SPMIP2: variants seen among roughly 807,000 people sequenced by gnomAD.
SPMIP2 encodes protein SPMIP2.
At chr4:159,063,132 C>T in the SPMIP2 span, among the ~76,000 whole-genome samples, 1 of 152,100 alleles carries the variant, frequency 6.6e-6, no homozygotes, top group African/African-American at 2.4e-5. Context: ...GGTGGCTTCA[C>T]AATACAGTTT....
the SPMIP2 span, among the ~76,000 whole-genome samples, chr4:158,912,386 A>G: frequency 1.3e-5 from 2 of 152,230 alleles, no homozygotes; most frequent in Non-Finnish European, 2.9e-5. Flanking sequence ...TCAACCATCT[A>G]TTTTGATGGG....
chr4:158,964,848 G>C, the SPMIP2 span, among the ~76,000 whole-genome samples: 1 of 152,260 alleles, frequency 6.6e-6, no homozygotes, highest in East Asian at 1.9e-4. Context: ...GAGCAAAGAA[G>C]GAACCCCCTT....
chr4:159,057,227 G>A, the SPMIP2 span, among the ~76,000 whole-genome samples: 1 of 152,186 alleles, frequency 6.6e-6, no homozygotes, highest in African/African-American at 2.4e-5. Flanking sequence ...AGGGCAAGGG[G>A]CCCAGATGGG....
the SPMIP2 span, among the ~76,000 whole-genome samples, chr4:158,989,613 A>G: frequency 1.3e-5 from 2 of 152,234 alleles, no homozygotes; most frequent in African/African-American, 4.8e-5. Context: ...CAAACCTGAC[A>G]AAAACAAGCA....
chr4:158,896,094 G>A, the SPMIP2 span, among the ~76,000 whole-genome samples: 1 of 152,124 alleles, frequency 6.6e-6, no homozygotes, highest in Admixed American at 6.5e-5. Context: ...GGCTGGTCGT[G>A]CTTTGTTGCT....
At chr4:158,897,530 C>T in the SPMIP2 span, among the ~76,000 whole-genome samples, 5 of 152,252 alleles carry the variant, frequency 3.3e-5, no homozygotes, top group South Asian at 2.1e-4. Context: ...TAGTGATTGC[C>T]GTTCTAACTG....
At chr4:159,050,797 TA>T in the SPMIP2 span, among the ~76,000 whole-genome samples, 114 of 146,398 alleles carry the variant, frequency 7.8e-4, no homozygotes, top group Admixed American at 9.5e-4. Flanking sequence ...ACTCATCCGT[TA>T]AAAAAAAAAA....
chr4:159,074,704 AG>A, the SPMIP2 span, among the ~76,000 whole-genome samples: 5 of 152,172 alleles, frequency 3.3e-5, no homozygotes, highest in Admixed American at 2.6e-4. Flanking sequence ...TCTCAACAGA[AG>A]CAGGAGGTTG....
At chr4:158,984,235 TTAA>T in the SPMIP2 span, among the ~76,000 whole-genome samples, 15 of 8,772 alleles carry the variant, frequency 1.7e-3, no homozygotes, top group East Asian at 6.0e-3. Context: ...AGACAGAAAG[TTAA>T]CAAGGATACC....
the SPMIP2 span, among the ~76,000 whole-genome samples, chr4:158,991,310 C>T: frequency 1.3e-5 from 2 of 151,492 alleles, no homozygotes; most frequent in Non-Finnish European, 3.0e-5. Flanking sequence ...GTTGTGGTGA[C>T]AACATTGCCT....
the SPMIP2 span, chr4:158,972,989 A>C: frequency 1.2e-6 from 1 of 850,082 alleles, no homozygotes; most frequent in Non-Finnish European, 1.8e-6. Flanking sequence ...TGAGAAATCA[A>C]GCACCCGACA....
At chr4:158,984,347 C>A in the SPMIP2 span, among the ~76,000 whole-genome samples, 1 of 147,514 alleles carries the variant, frequency 6.8e-6, no homozygotes, top group Non-Finnish European at 1.5e-5. Context: ...CAGCACCACA[C>A]CTCACCTATT....
At chr4:158,924,011 G>C in the SPMIP2 span, among the ~76,000 whole-genome samples, 2 of 152,094 alleles carry the variant, frequency 1.3e-5, no homozygotes, top group African/African-American at 4.8e-5. Flanking sequence ...CAATAGGACA[G>C]GTGTCCTTAT....
the SPMIP2 span, among the ~76,000 whole-genome samples, chr4:159,060,712 C>T: frequency 6.6e-6 from 1 of 152,130 alleles, no homozygotes; most frequent in Non-Finnish European, 1.5e-5. Context: ...AAACTAAATG[C>T]CATAAACCCT....
the SPMIP2 span, among the ~76,000 whole-genome samples, chr4:159,040,470 C>T: frequency 1.3e-5 from 2 of 151,000 alleles, no homozygotes; most frequent in Non-Finnish European, 3.0e-5. Context: ...TGCGCCCGGT[C>T]TGTATTTTTT....
chr4:158,898,229 T>C, the SPMIP2 span, among the ~76,000 whole-genome samples: 1 of 152,236 alleles, frequency 6.6e-6, no homozygotes, highest in East Asian at 1.9e-4. Context: ...CGTGCTGTTT[T>C]GGTTACCGTA....
chr4:159,034,294 A>G, the SPMIP2 span, among the ~76,000 whole-genome samples: 2 of 152,212 alleles, frequency 1.3e-5, no homozygotes, highest in East Asian at 3.8e-4. Context: ...CAAAACTCAA[A>G]CCAATCACTT....
At chr4:158,918,979 G>A in the SPMIP2 span, among the ~76,000 whole-genome samples, 1 of 152,150 alleles carries the variant, frequency 6.6e-6, no homozygotes, top group Non-Finnish European at 1.5e-5. Flanking sequence ...GCCCCTTAGG[G>A]TCAGATACTT....
At chr4:158,963,918 C>G in the SPMIP2 span, among the ~76,000 whole-genome samples, 1 of 152,004 alleles carries the variant, frequency 6.6e-6, no homozygotes, top group Non-Finnish European at 1.5e-5. Flanking sequence ...TCCCAGCACT[C>G]TGGGAGGCGG....
Sources: allele counts gnomAD v4.1 joint callset (sites outside exome capture counted in the v4.1 genomes callset), GRCh38; gene constraint gnomAD v4.1.1; transcripts MANE v1.5; gene names NCBI Gene and HGNC (gene_info 2026-07-23, HGNC 2026-07-21).